ATAD2: variants seen among roughly 807,000 people sequenced by gnomAD.
ATAD2 encodes the protein ATPase family AAA domain containing 2.
ATAD2 carries 62 observed loss-of-function variants against 168.9 expected under a neutral mutation model. The ratio of observed to expected loss-of-function variants is 0.37; its 90% CI spans 0.30 to 0.45. The LOEUF (loss-of-function observed/expected upper bound fraction) is 0.45. Ranked by LOEUF, ATAD2 falls within the 20% of genes least tolerant of loss-of-function variation. The pLI, the probability that ATAD2 is intolerant of heterozygous loss-of-function variation, is 1.00. For synonymous variants in ATAD2, 613 were observed against 571.6 expected (o/e 1.07, Z -1.03); for missense variants, 1,419 against 1,667.8 (o/e 0.85, Z 2.60).
rs751987661 is a variant in ATAD2, at chr8:123,337,782, G to A, written c.2894C>T (p.Pro965Leu). The change falls in exon 21 of 28, where the codon CCT (proline) becomes CTT (leucine). Residue 965 changes from proline (P) to leucine (L), a missense_variant. Physicochemically the swap from Pro to Leu is moderately conservative, Grantham distance 98. Coordinates refer to ENST00000287394, the MANE Select transcript of ATAD2 (RefSeq NM_014109.4). ...TTCTGCTGTCAGTGATCTTGGCTCA[G>A]GTGGTGGTGCTACTGGGAGTACCTC... Reference protein sequence around the residue: ...ALEVLPVAPPPEPRSLTAEEV... With the variant: ...ALEVLPVAPPLEPRSLTAEEV... 1.2e-6 allele frequency: 2 copies of A among 1,611,908 alleles called. No homozygotes were observed. Among genetic ancestry groups the A allele is most frequent in the Admixed American group, 3.3e-5 (2 of 59,704 alleles).
At chr8:123,348,302 C>T (rs755021622) in intron 14 of ATAD2, 29 bp from the exon 15 acceptor site, 2 of 1,391,722 alleles carry the variant, frequency 1.4e-6, no homozygotes, top group Non-Finnish European at 2.0e-6. Flanking sequence ...TAATTTTTTA[C>T]AACTATAATA....
At chr8:123,413,923 G>A (rs1005462497) in intron 1 of ATAD2, among the ~76,000 whole-genome samples, 6 of 151,414 alleles carry the variant, frequency 4.0e-5, no homozygotes, top group Non-Finnish European at 7.4e-5. Context: ...TGGCCGAGGC[G>A]GGCAGATCAC....
At chr8:123,364,470 C>T (rs532043930) in intron 8 of ATAD2, among the ~76,000 whole-genome samples, 1 of 152,018 alleles carries the variant, frequency 6.6e-6, no homozygotes, top group South Asian at 2.1e-4. Context: ...AGGACATAAC[C>T]AAAAAAGAAA....
Position 123,380,437 on chromosome 8 carries a change from G to T in ATAD2, c.320+92C>A. The T allele has an allele frequency of 3.1e-6, 4 of 1,301,408 alleles. No homozygotes were observed. In the South Asian group the frequency reaches 3.8e-5, roughly 12 times the overall value. The allele number at this position is 1,301,408 out of a possible 1,614,324, so 80.6% of individuals were successfully genotyped here. ...CATTTTATAGCCCTAGAACCTTGAT[G>T]ACCAGTCAAAAATACACTTCAAAAA... On this transcript the variant is annotated intron_variant, in intron 2 of 27. Coordinates refer to ENST00000287394, the MANE Select transcript of ATAD2 (RefSeq NM_014109.4).
At chr8:123,393,184 CAAAAA>C (rs60028341) in intron 1 of ATAD2, among the ~76,000 whole-genome samples, 1 of 88,250 alleles carries the variant, frequency 1.1e-5, no homozygotes, top group Admixed American at 1.3e-4. Flanking sequence ...AACTCCATCT[CAAAAA>C]AAAAAAAAAA....
chr8:123,328,421 T>C lies in ATAD2; in HGVS notation c.3637A>G (p.Asn1213Asp). Residue 1213 changes from asparagine (N) to aspartate (D), a missense_variant, in exon 25 of 28, where the codon AAT becomes GAT. Asn to Asp is a conservative substitution (Grantham distance 23, BLOSUM62 1). Around this residue, in one of 5 missense-constraint regions of ATAD2, gnomAD observed 303 missense variants for 304.3 expected, o/e 1.00. Coordinates refer to ENST00000287394, the MANE Select transcript of ATAD2 (RefSeq NM_014109.4). ...GACTCTCCTGTGTTTCCGGTCTCAT[T>C]ATGATCTACACTTGTGTCTTGAGTT... The part of the protein sequence containing the change: ...EETQDTSVDH[N>D]ETGNTGESSV... 1 of 1,585,682 alleles carries C rather than the reference T, an allele frequency of 6.3e-7. No homozygotes were observed. The highest frequency in any genetic ancestry group is 8.6e-7 in the Non-Finnish European group (1 of 1,166,056).
chr8:123,406,981 T>C (rs1447910323), intron 1 of ATAD2, among the ~76,000 whole-genome samples: 1 of 152,194 alleles, frequency 6.6e-6, no homozygotes, highest in African/African-American at 2.4e-5. Flanking sequence ...GAGATTATTC[T>C]CGTTTATGGT....
intron 12 of ATAD2, among the ~76,000 whole-genome samples, chr8:123,356,830 C>A (rs575370708): frequency 6.6e-6 from 1 of 151,448 alleles, no homozygotes; most frequent in South Asian, 2.1e-4. Flanking sequence ...GTTCTAGTAA[C>A]GGGGTTTTAA....
Position 123,372,663 on chromosome 8 carries a change from TCAGC to T in ATAD2, c.340_343del (p.Ala114IlefsTer12). ...TTCTCTGTGCTCTTCTTTTTTTTTA[TCAGC>T]CTGCTGTCTGGCCAACTGCCTATAT... On this transcript the variant is annotated frameshift_variant, in exon 3 of 28. Coordinates refer to ENST00000287394, the MANE Select transcript of ATAD2 (RefSeq NM_014109.4). LOFTEE classifies it high-confidence loss of function. 6.3e-7 allele frequency: 1 copy of T among 1,593,006 alleles called. No homozygotes were observed. The highest frequency in any genetic ancestry group is 1.8e-5 in the Admixed American group (1 of 56,764).
chr8:123,332,077 G>C (rs1348006322), intron 24 of ATAD2, among the ~76,000 whole-genome samples: 1 of 152,066 alleles, frequency 6.6e-6, no homozygotes. Flanking sequence ...AAATAGACTT[G>C]TGTATATTTT....
At chr8:123,399,514 GA>G (rs2130010679), upstream of ATAD2, among the ~76,000 whole-genome samples, 1 of 152,242 alleles carries the variant, frequency 6.6e-6, no homozygotes, top group Non-Finnish European at 1.5e-5. Context: ...AGGGTCATGT[GA>G]TACAGAGTGG....
chr8:123,336,573 AAACAT>A (rs367822597), intron 21 of ATAD2, 41 bp from the exon 22 acceptor site: 19 of 1,440,018 alleles, frequency 1.3e-5, no homozygotes, highest in Middle Eastern at 1.9e-4. Flanking sequence ...AATTAACTCT[AAACAT>A]AACATGTGAG....
At chr8:123,378,054 C>A (rs1194155759) in intron 2 of ATAD2, among the ~76,000 whole-genome samples, 1 of 152,136 alleles carries the variant, frequency 6.6e-6, no homozygotes, top group Non-Finnish European at 1.5e-5. Flanking sequence ...GAAGAATAAA[C>A]CTTAAGACTT....
At chr8:123,354,197 T>C (rs554840449) in intron 13 of ATAD2, among the ~76,000 whole-genome samples, 6 of 152,320 alleles carry the variant, frequency 3.9e-5, no homozygotes, top group Middle Eastern at 6.8e-3. Context: ...TTCTCTTAGG[T>C]TGAAAATATT....
In ATAD2 at chr8:123,357,424, G is replaced by T. The variant is rs1177175429; in HGVS notation, c.1557+138C>A. On this transcript the variant is annotated intron_variant, in intron 12 of 27. Coordinates refer to ENST00000287394, the MANE Select transcript of ATAD2 (RefSeq NM_014109.4). Reference sequence around the variant, plus strand: ...GTCAGTGTCATCTCGACATATAAAAGAAAATAATCTAGAAAGAAATAGTCT... The same window carrying T: ...GTCAGTGTCATCTCGACATATAAAATAAAATAATCTAGAAAGAAATAGTCT... 4 of 870,944 alleles carry T rather than the reference G, an allele frequency of 4.6e-6. No individual in the cohort carries two copies. The African/African-American group carries it at 7.0e-5, about 15-fold the overall frequency. 54.0% of individuals were successfully genotyped at this position (870,944 alleles called of 1,614,324 possible).
upstream of ATAD2, among the ~76,000 whole-genome samples, chr8:123,396,626 C>A (rs1812853369): frequency 6.6e-6 from 1 of 152,218 alleles, no homozygotes; most frequent in African/African-American, 2.4e-5. Flanking sequence ...AGGACCTGAG[C>A]GGAGAGTCCT....
chr8:123,333,585 G>A (rs979728992), intron 24 of ATAD2, among the ~76,000 whole-genome samples: 1 of 152,172 alleles, frequency 6.6e-6, no homozygotes, highest in Non-Finnish European at 1.5e-5. Context: ...TACAGGCTTT[G>A]AATAGGTAAC....
intron 1 of ATAD2, among the ~76,000 whole-genome samples, chr8:123,389,889 A>G (rs1212309574): frequency 6.8e-6 from 1 of 148,086 alleles, no homozygotes; most frequent in Non-Finnish European, 1.5e-5. Context: ...CAGGAGAAAT[A>G]TATGTGTCTT....
chr8:123,365,613 G>T (rs1045471498), intron 8 of ATAD2, among the ~76,000 whole-genome samples: 1 of 152,028 alleles, frequency 6.6e-6, no homozygotes, highest in East Asian at 1.9e-4. Context: ...AGAGAACTCA[G>T]AAATAAAATC....
Sources: gnomAD v4.1 joint callset for allele counts (sites outside exome capture counted in the v4.1 genomes callset) on GRCh38, gnomAD v4.1.1 for gene constraint, gnomAD v4.1.1 regional missense constraint, MANE v1.5 for transcripts, NCBI Gene and HGNC (gene_info 2026-07-23, HGNC 2026-07-21) for gene names.